The following MAGI2 variants were observed in gnomAD, a reference collection of about 807,000 sequenced individuals.
MAGI2 encodes the protein membrane-associated guanylate kinase, WW and PDZ domain-containing protein 2.
Under a neutral mutation model 133.3 loss-of-function variants are expected in MAGI2, and 35 were observed. That is an observed-to-expected ratio of 0.26 (90% CI 0.20 to 0.35). The LOEUF (loss-of-function observed/expected upper bound fraction) is 0.35. Ranked by LOEUF, MAGI2 falls within the 10% of genes least tolerant of loss-of-function variation. The pLI is 1.00. For missense variants in MAGI2, 1,636 were observed against 1,863.4 expected (o/e 0.88, Z 2.25); for synonymous variants, 729 against 710.6 (o/e 1.03, Z -0.41).
intron 21 of MAGI2, among the ~76,000 whole-genome samples, chr7:78,076,737 T>C (rs1815350105): frequency 6.8e-6 from 1 of 146,400 alleles, no homozygotes; most frequent in Non-Finnish European, 1.5e-5. Context: ...TCCCAGCTAC[T>C]GGGGAGGCTG....
chr7:79,213,319 C>T (rs1259463242), intron 1 of MAGI2, among the ~76,000 whole-genome samples: 2 of 143,868 alleles, frequency 1.4e-5, no homozygotes, highest in Non-Finnish European at 3.0e-5. Context: ...CACACACGTA[C>T]ACACGTACAC....
intron 1 of MAGI2, among the ~76,000 whole-genome samples, chr7:79,442,416 ATTT>A (rs1291410967): frequency 6.6e-6 from 1 of 151,574 alleles, no homozygotes; most frequent in African/African-American, 2.4e-5. Context: ...GAGACTATTT[ATTT>A]AAAAGCTGGC....
chr7:78,583,800 A>T (rs1205949118), intron 3 of MAGI2, among the ~76,000 whole-genome samples: 1 of 152,190 alleles, frequency 6.6e-6, no homozygotes, highest in Non-Finnish European at 1.5e-5. Context: ...GAAGAGAACA[A>T]TCATGTATTG....
At chr7:78,644,032 A>G (rs1017838204) in intron 2 of MAGI2, among the ~76,000 whole-genome samples, 4 of 152,142 alleles carry the variant, frequency 2.6e-5, no homozygotes, top group African/African-American at 9.6e-5. Context: ...GAAATTTATA[A>G]TAATATCAGA....
intron 21 of MAGI2, among the ~76,000 whole-genome samples, chr7:78,075,885 C>G (rs1353263814): frequency 3.9e-5 from 6 of 152,150 alleles, no homozygotes; most frequent in African/African-American, 9.7e-5. Flanking sequence ...TAACCAAGCA[C>G]CTTTCAGCTT....
At chr7:79,376,313 T>C (rs934451703) in intron 1 of MAGI2, among the ~76,000 whole-genome samples, 4 of 151,884 alleles carry the variant, frequency 2.6e-5, no homozygotes, top group African/African-American at 7.2e-5. Flanking sequence ...CAATACACTG[T>C]AAGAAAAGTT....
At chr7:78,578,528 GGAGT>G (rs1802504600) in intron 3 of MAGI2, among the ~76,000 whole-genome samples, 2 of 152,174 alleles carry the variant, frequency 1.3e-5, no homozygotes, top group African/African-American at 2.4e-5. Flanking sequence ...GAAGAACTGA[GGAGT>G]GAGAATAAAA....
At chr7:79,243,928 T>C (rs1192675550) in intron 1 of MAGI2, among the ~76,000 whole-genome samples, 3 of 152,194 alleles carry the variant, frequency 2.0e-5, no homozygotes, top group Non-Finnish European at 2.9e-5. Context: ...GAAAGAAACA[T>C]TATTTCCTTT....
intron 6 of MAGI2, among the ~76,000 whole-genome samples, chr7:78,451,447 G>A (rs1788712371): frequency 6.6e-6 from 1 of 152,108 alleles, no homozygotes; most frequent in Non-Finnish European, 1.5e-5. Flanking sequence ...TTGATGGGGA[G>A]ATTGAGCATA....
intron 2 of MAGI2, among the ~76,000 whole-genome samples, chr7:78,731,863 CCTT>C (rs1178908512): frequency 6.6e-6 from 1 of 152,110 alleles, no homozygotes; most frequent in Admixed American, 6.6e-5. Context: ...AAGTCATACA[CCTT>C]CTTCTGCATA....
chr7:78,332,973 G>C (rs950788237), intron 9 of MAGI2, among the ~76,000 whole-genome samples: 25 of 152,286 alleles, frequency 1.6e-4, no homozygotes, highest in African/African-American at 5.8e-4. Flanking sequence ...CTTTTAGAGA[G>C]ACCAAAATGT....
chr7:78,492,914 T>C (rs1007971354), intron 5 of MAGI2, among the ~76,000 whole-genome samples: 2 of 152,200 alleles, frequency 1.3e-5, no homozygotes, highest in Admixed American at 1.3e-4. Flanking sequence ...CTTTGAATCA[T>C]ACTAATATAC....
intron 1 of MAGI2, among the ~76,000 whole-genome samples, chr7:79,292,888 G>C (rs990084075): frequency 2.0e-5 from 3 of 150,362 alleles, no homozygotes; most frequent in Non-Finnish European, 4.4e-5. Context: ...TAAGTCTTCG[G>C]CTTCCTCTGT....
At chr7:78,896,523 T>C (rs542711422) in intron 2 of MAGI2, among the ~76,000 whole-genome samples, 21 of 148,194 alleles carry the variant, frequency 1.4e-4, no homozygotes, top group African/African-American at 5.2e-4. Flanking sequence ...ATCCTCTAAA[T>C]GGGATATATA....
chr7:78,574,760 G>A (rs773021957), intron 3 of MAGI2, among the ~76,000 whole-genome samples: 6 of 152,164 alleles, frequency 3.9e-5, no homozygotes, highest in South Asian at 2.1e-4. Context: ...CATTTACAAT[G>A]TACTGTTATG....
intron 9 of MAGI2, among the ~76,000 whole-genome samples, chr7:78,319,796 A>G (rs1168199454): frequency 6.6e-6 from 1 of 152,212 alleles, no homozygotes; most frequent in Non-Finnish European, 1.5e-5. Flanking sequence ...ACTGAAGGAG[A>G]TAGAAACACA....
intron 1 of MAGI2, among the ~76,000 whole-genome samples, chr7:79,041,374 G>A (rs182458123): frequency 1.7e-3 from 255 of 152,260 alleles, no homozygotes; most frequent in African/African-American, 5.8e-3. Flanking sequence ...CAAGGCAACT[G>A]TTGAGCCTTT....
At chr7:78,029,952 G>T (rs1809391433) in intron 21 of MAGI2, among the ~76,000 whole-genome samples, 1 of 152,184 alleles carries the variant, frequency 6.6e-6, no homozygotes, top group South Asian at 2.1e-4. Flanking sequence ...TTTTTCTAGG[G>T]CACTCAGTCA....
intron 1 of MAGI2, among the ~76,000 whole-genome samples, chr7:79,399,385 T>G (rs950879424): frequency 4.6e-5 from 7 of 151,990 alleles, no homozygotes; most frequent in Non-Finnish European, 1.0e-4. Flanking sequence ...TGAGCCACTG[T>G]GCCCGCCATA....
Sources: gnomAD v4.1 joint callset for allele counts (sites outside exome capture counted in the v4.1 genomes callset) on GRCh38, gnomAD v4.1.1 for gene constraint, MANE v1.5 for transcripts, NCBI Gene and HGNC (gene_info 2026-07-23, HGNC 2026-07-21) for gene names.